Variants in MPP7 observed in about 807,000 individuals in gnomAD.
MPP7 encodes MAGUK p55 subfamily member 7.
In MPP7, 60 loss-of-function variants were observed where a neutral mutation model predicts 76.5. The observed-to-expected ratio is 0.78, with a 90% confidence interval of 0.64 to 0.97. MPP7 has a LOEUF of 0.97. MPP7 is among the 50% of genes least tolerant of loss of function. The pLI is 0.00. For synonymous variants in MPP7, 237 were observed against 244.5 expected (o/e 0.97, Z 0.29); for missense variants, 641 against 694.0 (o/e 0.92, Z 0.86).
chr10:28,283,756 T>C lies in MPP7; in HGVS notation c.-132+19105A>G, dbSNP rs546080382. Reference sequence around the variant, plus strand: ...TCTCAAACTCCTGACCTCAAGTGATTCACCCACCTCGGCCTCCCAAAATGC... The same window carrying C: ...TCTCAAACTCCTGACCTCAAGTGATCCACCCACCTCGGCCTCCCAAAATGC... On this transcript the variant is annotated intron_variant, in intron 1 of 16. Transcript: ENST00000683449. 3.4e-3 allele frequency among the ~76,000 whole-genome samples: 511 copies of C among 151,978 alleles called. 3 individuals carry two copies. The highest frequency in any genetic ancestry group is 0.012 in the African/African-American group (477 of 41,332).
chr10:28,180,102 C>T (rs527833875), intron 3 of MPP7, among the ~76,000 whole-genome samples: 98 of 152,218 alleles, frequency 6.4e-4, no homozygotes, highest in African/African-American at 2.3e-3. Flanking sequence ...AGTTTTTTAT[C>T]AGAAGGGAGG....
At chr10:28,255,423 T>C (rs1262437504) in intron 1 of MPP7, among the ~76,000 whole-genome samples, 2 of 150,822 alleles carry the variant, frequency 1.3e-5, no homozygotes, top group African/African-American at 2.4e-5. Context: ...CTTTTTCTTT[T>C]TTTTTTTTTC....
At chr10:28,119,562 G>A (rs1255885562) in intron 11 of MPP7, 89 bp downstream of exon 11, 3 of 978,106 alleles carry the variant, frequency 3.1e-6, no homozygotes, top group Non-Finnish European at 3.2e-6. Flanking sequence ...AGGGTAATAG[G>A]ACCCTTTGTT....
At chr10:28,101,585 AATGT>A (rs1853826960) in intron 11 of MPP7, among the ~76,000 whole-genome samples, 1 of 152,158 alleles carries the variant, frequency 6.6e-6, no homozygotes, top group South Asian at 2.1e-4. Flanking sequence ...GTTTTAAAAG[AATGT>A]ATGAAGTACT....
rs557928611 is a variant in MPP7 at position 28,084,344 on chromosome 10, C to A, written c.1123+5327G>T. Among the ~76,000 whole-genome samples the A allele has an allele frequency of 3.9e-5, 6 of 152,328 alleles. No homozygotes were observed. The East Asian group carries it at 1.2e-3, about 29-fold the overall frequency. On this transcript the variant is annotated intron_variant, in intron 12 of 16. Coordinates refer to ENST00000683449, the MANE Select transcript of MPP7 (RefSeq NM_001318170.2). ...ATTCAAACAGAGCAACAAGGCTTCT[C>A]CCTGTGTGCACAGCACCAGACCTCA...
chr10:28,181,283 T>C (rs1379199749), intron 3 of MPP7, among the ~76,000 whole-genome samples: 1 of 152,214 alleles, frequency 6.6e-6, no homozygotes, highest in Non-Finnish European at 1.5e-5. Context: ...CCTTTGATAG[T>C]CTATTATTGT....
chr10:28,295,251 T>C (rs1841011341), intron 1 of MPP7, among the ~76,000 whole-genome samples: 2 of 152,162 alleles, frequency 1.3e-5, no homozygotes, highest in South Asian at 4.1e-4. Flanking sequence ...AAAATGACTA[T>C]GAAGAAACGA....
At chr10:28,117,567 A>G (rs1212265760) in intron 11 of MPP7, among the ~76,000 whole-genome samples, 1 of 152,124 alleles carries the variant, frequency 6.6e-6, no homozygotes, top group African/African-American at 2.4e-5. Context: ...TCCAGAAAGT[A>G]GTGGATCAGA....
At chr10:28,226,626 A>G (rs948228280) in intron 2 of MPP7, among the ~76,000 whole-genome samples, 1 of 152,162 alleles carries the variant, frequency 6.6e-6, no homozygotes, top group Non-Finnish European at 1.5e-5. Context: ...GGTGATGATC[A>G]TAAAACATTT....
intron 3 of MPP7, among the ~76,000 whole-genome samples, chr10:28,194,033 G>A (rs1214852972): frequency 1.3e-5 from 2 of 152,068 alleles, no homozygotes; most frequent in Non-Finnish European, 2.9e-5. Flanking sequence ...AAATGTTTTT[G>A]AAACAGAGTC....
In MPP7 at chr10:28,059,668, G is replaced by C. The variant is rs749398748; in HGVS notation, c.1280C>G (p.Thr427Arg). 6.2e-7 allele frequency: 1 copy of C among 1,612,630 alleles called. No homozygotes were observed. The highest frequency in any genetic ancestry group is 8.5e-7 in the Non-Finnish European group (1 of 1,178,950). The change falls in exon 14 of 17, where the codon ACA becomes AGA. Residue 427 changes from threonine to arginine, a missense_variant. Physicochemically the swap from Thr to Arg is moderately conservative, Grantham distance 71. Coordinates refer to ENST00000683449, the MANE Select transcript of MPP7 (RefSeq NM_001318170.2). ...CACATACTTGTTATTTTGTACATCT[G>C]TCTCAAACAAATGCTTGGAAATGAA... ...YIFISKHLFETDVQNNKFIEY... is the reference protein window; with the variant it reads ...YIFISKHLFERDVQNNKFIEY...
At chr10:28,263,927 A>G (rs193223884) in intron 1 of MPP7, among the ~76,000 whole-genome samples, 154 of 152,238 alleles carry the variant, frequency 1.0e-3, no homozygotes, top group East Asian at 2.9e-3. Flanking sequence ...TCCATACCCA[A>G]TTCCAGAGGC....
At chr10:28,141,040 T>A (rs907153604) in intron 5 of MPP7, among the ~76,000 whole-genome samples, 5 of 152,072 alleles carry the variant, frequency 3.3e-5, no homozygotes, top group African/African-American at 4.8e-5. Flanking sequence ...AAATTAGACA[T>A]AAAAATCTTC....
intron 13 of MPP7, among the ~76,000 whole-genome samples, chr10:28,061,495 AAACAAC>A (rs760494071): frequency 2.0e-5 from 3 of 151,972 alleles, no homozygotes; most frequent in Non-Finnish European, 1.5e-5. Flanking sequence ...TATATAATCT[AAACAAC>A]AACAACAACA....
intron 3 of MPP7, among the ~76,000 whole-genome samples, chr10:28,159,346 T>A (rs1836179274): frequency 6.6e-6 from 1 of 152,242 alleles, no homozygotes. Flanking sequence ...TATCTACTGA[T>A]AATTTGTAAT....
intron 5 of MPP7, among the ~76,000 whole-genome samples, chr10:28,132,180 T>C (rs372101357): frequency 6.6e-6 from 1 of 152,184 alleles, no homozygotes; most frequent in East Asian, 1.9e-4. Flanking sequence ...GATTCTTTTG[T>C]CTTTTTCCTC....
intron 3 of MPP7, among the ~76,000 whole-genome samples, chr10:28,153,158 G>A (rs1409604226): frequency 6.6e-6 from 1 of 152,110 alleles, no homozygotes; most frequent in Non-Finnish European, 1.5e-5. Flanking sequence ...GGAGGCTGAG[G>A]CAGAAGAATG....
At chr10:28,105,377 A>T (rs543827946) in intron 11 of MPP7, among the ~76,000 whole-genome samples, 21 of 152,310 alleles carry the variant, frequency 1.4e-4, no homozygotes, top group African/African-American at 5.1e-4. Flanking sequence ...CACAAGCACC[A>T]GTACAACTGT....
chr10:28,295,176 A>G (rs1841010211), intron 1 of MPP7, among the ~76,000 whole-genome samples: 1 of 152,242 alleles, frequency 6.6e-6, no homozygotes, highest in African/African-American at 2.4e-5. Flanking sequence ...CATACTAAGC[A>G]TAATGTGAAA....
Sources: allele counts gnomAD v4.1 joint callset (sites outside exome capture counted in the v4.1 genomes callset), GRCh38; gene constraint gnomAD v4.1.1; transcripts MANE v1.5; gene names NCBI Gene and HGNC (gene_info 2026-07-23, HGNC 2026-07-21).